CHCHD2: variants seen among roughly 807,000 people sequenced by gnomAD.
The protein encoded by CHCHD2 is coiled-coil-helix-coiled-coil-helix domain containing 2.
CHCHD2 carries 17 observed loss-of-function variants against 17.5 expected under a neutral mutation model. The ratio of observed to expected loss-of-function variants is 0.97; its 90% confidence interval spans 0.67 to 1.46. The LOEUF is 1.46. Ranked by LOEUF, CHCHD2 falls within the 40% of genes most tolerant of loss-of-function variation. CHCHD2 has a pLI of 0.00. For synonymous variants in CHCHD2, 63 were observed against 74.3 expected, an observed-to-expected ratio of 0.85 and a Z score of 0.78; for missense variants, 175 against 199.9, an observed-to-expected ratio of 0.88 and a Z score of 0.75.
Position 56,106,427 on chromosome 7 carries a change from C to T in CHCHD2, c.-14G>A, listed in dbSNP as rs1785387332. ...TCCACGCGGCATCCTAGGTAAGCGACGGCTAGGCCTCCGGACGTGGGACAA... is the reference window on the plus strand; with the variant it reads ...TCCACGCGGCATCCTAGGTAAGCGATGGCTAGGCCTCCGGACGTGGGACAA... On this transcript the variant is annotated 5_prime_UTR_variant, in exon 1 of 4. Coordinates refer to ENST00000395422, the MANE Select transcript of CHCHD2 (RefSeq NM_016139.4). 5 of 1,612,942 alleles carry T rather than the reference C, an allele frequency of 3.1e-6. No homozygotes were observed. Among genetic ancestry groups the T allele is most frequent in the Non-Finnish European group, 4.2e-6 (5 of 1,179,422 alleles).
Position 56,101,819 on chromosome 7 carries a change from G to A in CHCHD2, c.*32C>T. 1 of 1,600,744 alleles carries A rather than the reference G, an allele frequency of 6.2e-7. No individual in the cohort carries two copies. Among genetic ancestry groups the A allele is most frequent in the South Asian group, 1.1e-5 (1 of 89,804 alleles). On this transcript the variant is annotated 3_prime_UTR_variant, in exon 4 of 4. Coordinates refer to ENST00000395422, the MANE Select transcript of CHCHD2 (RefSeq NM_016139.4). ...CTAAATTAACTTAGTTATGAGAGCT[G>A]ATTTTCCATCTCTCCAGGTTGAACT...
rs766155505 is a variant in CHCHD2, at chr7:56,106,389, T to G, written c.25A>C (p.Thr9Pro). The change falls in exon 1 of 4, where the codon ACC (threonine) becomes CCC (proline). Residue 9 changes from threonine to proline, a missense_variant. By Grantham distance (38) the Thr-to-Pro change is conservative. Transcript: ENST00000395422. ...CTGGCCGGAGGGGCCATGCGGGAGGTGCGGCTTCGGCTTCCACGCGGCATC... is the reference window on the plus strand; with the variant it reads ...CTGGCCGGAGGGGCCATGCGGGAGGGGCGGCTTCGGCTTCCACGCGGCATC... Reference protein sequence around the residue: MPRGSRSRTSRMAPPASRA... With the variant: MPRGSRSRPSRMAPPASRA... 11 of 1,612,412 alleles carry G rather than the reference T, an allele frequency of 6.8e-6. No individual in the cohort carries two copies. The highest frequency in any genetic ancestry group is 9.3e-6 in the Non-Finnish European group (11 of 1,179,386).
At chr7:56,104,145 C>A (rs1269724070) in intron 2 of CHCHD2, 81 bp downstream of exon 2, 1 of 1,559,410 alleles carries the variant, frequency 6.4e-7, no homozygotes, top group Non-Finnish European at 8.8e-7. Context: ...AAAGACAATT[C>A]CTACACTTAA....
At chr7:56,101,958 G>A in intron 3 of CHCHD2, 97 bp from the exon 4 acceptor site, 2 of 1,195,066 alleles carry the variant, frequency 1.7e-6, no homozygotes, top group Non-Finnish European at 2.4e-6. Context: ...AAAAGGCCAA[G>A]GCTATGGGTT....
chr7:56,102,123 G>A (rs1277571970), intron 3 of CHCHD2, among the ~76,000 whole-genome samples: 1 of 151,960 alleles, frequency 6.6e-6, no homozygotes, highest in Non-Finnish European at 1.5e-5. Flanking sequence ...GTAAGCTACT[G>A]AAGGCATCCT....
At chr7:56,105,546 C>T (rs1180153717) in intron 1 of CHCHD2, among the ~76,000 whole-genome samples, 1 of 152,064 alleles carries the variant, frequency 6.6e-6, no homozygotes. Context: ...GAAGTGGAGG[C>T]GAAAGGATCA....
chr7:56,102,102 T>C (rs1001594204), intron 3 of CHCHD2, among the ~76,000 whole-genome samples: 1 of 151,954 alleles, frequency 6.6e-6, no homozygotes, highest in Non-Finnish European at 1.5e-5. Context: ...AGGAAGGTTA[T>C]GGTTTTGTTT....
chr7:56,106,246 G>A (rs943830467), intron 1 of CHCHD2, 118 bp downstream of exon 1: 2 of 881,108 alleles, frequency 2.3e-6, no homozygotes, highest in Admixed American at 2.9e-5. Flanking sequence ...GCCTGGCAGA[G>A]GCGAGCCCAC....
Position 56,105,130 on chromosome 7 carries a change from C to G in CHCHD2, c.51-655G>C, listed in dbSNP as rs183916983. Among the ~76,000 whole-genome samples, 524 of 152,084 alleles carry G rather than the reference C, an allele frequency of 3.4e-3. 6 individuals are homozygous for G. The highest frequency in any genetic ancestry group is 0.012 in the African/African-American group (505 of 41,498). ...TTCACCATGTTGGCCAGGCTCGTCT[C>G]GAACTCCTGACCTCAAGTGATCCAC... is the stretch of plus-strand genomic sequence containing the variant. On this transcript the variant is annotated intron_variant, in intron 1 of 3. Coordinates refer to ENST00000395422, the MANE Select transcript of CHCHD2 (RefSeq NM_016139.4).
intron 1 of CHCHD2, among the ~76,000 whole-genome samples, chr7:56,104,809 A>G (rs1284378424): frequency 6.6e-6 from 1 of 151,904 alleles, no homozygotes; most frequent in African/African-American, 2.4e-5. Context: ...AGGTTTCACT[A>G]TGGTGACCAT....
At chr7:56,102,753 G>C (rs997124700) in intron 3 of CHCHD2, 114 bp downstream of exon 3, 1 of 1,134,146 alleles carries the variant, frequency 8.8e-7, no homozygotes, top group African/African-American at 1.6e-5. Context: ...GTTAATTCTA[G>C]AGAAATTTCA....
intron 3 of CHCHD2, among the ~76,000 whole-genome samples, chr7:56,102,388 C>T (rs1171066934): frequency 6.6e-6 from 1 of 151,256 alleles, no homozygotes; most frequent in African/African-American, 2.4e-5. Flanking sequence ...CAGTGTCTCC[C>T]ACTGGAGACA....
chr7:56,106,390 G>A lies in CHCHD2; in HGVS notation c.24C>T (p.Arg8=). MPRGSRS[R]TSRMAPPASR... ...TGGCCGGAGGGGCCATGCGGGAGGT[G>A]CGGCTTCGGCTTCCACGCGGCATCC... Residue 8 remains arginine (R), a synonymous_variant, in exon 1 of 4, where the codon CGC becomes CGT. Transcript: ENST00000395422. The A allele has an allele frequency of 1.9e-6, 3 of 1,613,598 alleles. No homozygotes were observed. The highest frequency in any genetic ancestry group is 2.5e-6 in the Non-Finnish European group (3 of 1,179,750).
At chr7:56,105,757 C>G (rs1257299174) in intron 1 of CHCHD2, among the ~76,000 whole-genome samples, 1 of 152,170 alleles carries the variant, frequency 6.6e-6, no homozygotes, top group Non-Finnish European at 1.5e-5. Flanking sequence ...CGTCACTGCA[C>G]TACAGCCTGA....
At chr7:56,105,902 G>C (rs1217218035) in intron 1 of CHCHD2, among the ~76,000 whole-genome samples, 1 of 152,194 alleles carries the variant, frequency 6.6e-6, no homozygotes, top group Non-Finnish European at 1.5e-5. Flanking sequence ...TGACTCGTCT[G>C]AACTATTATA....
chr7:56,106,284 C>A lies in CHCHD2; in HGVS notation c.50+80G>T, dbSNP rs1483194982. 9 of 1,410,120 alleles carry A rather than the reference C, an allele frequency of 6.4e-6. No individual in the cohort carries two copies. The Admixed American group carries it at 1.9e-4, about 30-fold the overall frequency. 87.4% of individuals were successfully genotyped at this position (1,410,120 alleles called of 1,614,324 possible). A position where few individuals can be genotyped will look rare whatever the true frequency, so the allele number is the denominator to read the frequency against. On this transcript the variant is annotated intron_variant, in intron 1 of 3. Transcript: ENST00000395422. ...CGCAGCCGACCTTAGTTCACCCCCG[C>A]CCGCGGCCTCCCTCTGCGTCATTGC...
chr7:56,101,944 C>T (rs1216899605), intron 3 of CHCHD2, 83 bp from the exon 4 acceptor site: 32 of 1,315,246 alleles, frequency 2.4e-5, no homozygotes, highest in South Asian at 3.8e-5. Context: ...ATGAAAGCAG[C>T]GACAAAAGGC....
At chr7:56,104,549 T>C (rs1785350296) in intron 1 of CHCHD2, 74 bp from the exon 2 acceptor site, 1 of 1,370,074 alleles carries the variant, frequency 7.3e-7, no homozygotes, top group Non-Finnish European at 9.7e-7. Flanking sequence ...TAAAATAACT[T>C]ACATATTAAA....
At position 56,101,842 on chromosome 7, in the gene CHCHD2, ACTT is replaced by A. The variant is rs780775731; in HGVS notation, c.*6_*8del. 44 of 1,612,244 alleles carry A rather than the reference ACTT, an allele frequency of 2.7e-5. No homozygotes were observed. The highest frequency in any genetic ancestry group is 2.5e-4 in the African/African-American group (19 of 74,848). ...CTGATTTTCCATCTCTCCAGGTTGA[ACTT>A]CTTCATTAGGCCAATCCTGCAAACA... On this transcript the variant is annotated 3_prime_UTR_variant, in exon 4 of 4. Coordinates refer to ENST00000395422, the MANE Select transcript of CHCHD2 (RefSeq NM_016139.4).
Sources: allele counts gnomAD v4.1 joint callset (sites outside exome capture counted in the v4.1 genomes callset), GRCh38; gene constraint gnomAD v4.1.1; transcripts MANE v1.5; gene names NCBI Gene and HGNC (gene_info 2026-07-23, HGNC 2026-07-21).